BTG4: variants seen among roughly 807,000 people sequenced by gnomAD.
The protein encoded by BTG4 is protein BTG4.
Under a neutral mutation model 19.3 loss-of-function variants are expected in BTG4, and 10 were observed. The ratio of observed to expected loss-of-function variants is 0.52; its 90% CI spans 0.32 to 0.88. BTG4 has a LOEUF of 0.88. Among genes scored for constraint, BTG4 ranks in the 40% least tolerant of loss-of-function variants. The probability of loss-of-function intolerance (pLI) is 0.04; values close to 1 mark genes in which losing one functional copy is unlikely to be tolerated. For missense variants in BTG4, 238 were observed against 281.9 expected, an observed-to-expected ratio of 0.84 and a Z score of 1.11; for synonymous variants, 91 against 95.7, an observed-to-expected ratio of 0.95 and a Z score of 0.29.
chr11:111,425,865 C>T, the BTG4 span, among the ~76,000 whole-genome samples: 5 of 152,040 alleles, frequency 3.3e-5, no homozygotes, highest in Non-Finnish European at 5.9e-5. Flanking sequence ...CACCCCATCT[C>T]TACAAAAAAT....
downstream of BTG4, among the ~76,000 whole-genome samples, chr11:111,493,557 AC>A (rs1555114775): frequency 6.6e-6 from 1 of 152,142 alleles, no homozygotes; most frequent in Non-Finnish European, 1.5e-5. Flanking sequence ...ACCAGAATTC[AC>A]CCACACACGT....
chr11:111,485,721 A>C (rs535603277), intron 5 of BTG4, among the ~76,000 whole-genome samples: 1 of 152,276 alleles, frequency 6.6e-6, no homozygotes, highest in East Asian at 1.9e-4. Flanking sequence ...AAACTCAAAA[A>C]CCAGTAGAAG....
the BTG4 span, among the ~76,000 whole-genome samples, chr11:111,387,721 A>G: frequency 6.6e-6 from 1 of 152,338 alleles, no homozygotes; most frequent in African/African-American, 2.4e-5. Context: ...ATGGCCTGAG[A>G]CTGCCATAAA....
the BTG4 span, among the ~76,000 whole-genome samples, chr11:111,408,579 A>C: frequency 6.6e-6 from 1 of 152,342 alleles, no homozygotes; most frequent in South Asian, 2.1e-4. Flanking sequence ...GCTGGAGCAA[A>C]GTAGTCAAAA....
downstream of BTG4, among the ~76,000 whole-genome samples, chr11:111,491,300 T>C (rs59468926): frequency 0.026 from 4,015 of 152,308 alleles, 193 homozygotes; most frequent in African/African-American, 0.09. Context: ...GTTCTGTATC[T>C]TGACTGTAGC....
At chr11:111,456,552 G>A in the BTG4 span, 1 of 456,458 alleles carries the variant, frequency 2.2e-6, no homozygotes, top group Non-Finnish European at 4.4e-6. The surrounding 1 kb of genome is among the most constrained non-coding windows in gnomAD (Gnocchi z 4.2). Context: ...ACATCAGTGT[G>A]AACCCCGTCA....
intron 1 of BTG4, among the ~76,000 whole-genome samples, chr11:111,511,328 C>T (rs1378273165): frequency 6.6e-6 from 1 of 152,212 alleles, no homozygotes; most frequent in Non-Finnish European, 1.5e-5. Context: ...AATGCTATAA[C>T]TTATTCAAAC....
At chr11:111,448,204 G>A in the BTG4 span, among the ~76,000 whole-genome samples, 10 of 152,312 alleles carry the variant, frequency 6.6e-5, no homozygotes, top group African/African-American at 2.2e-4. Context: ...AAAGAAGAGC[G>A]AGACCCACCA....
At chr11:111,479,898 A>T (rs557984371) in intron 5 of BTG4, among the ~76,000 whole-genome samples, 1 of 152,130 alleles carries the variant, frequency 6.6e-6, no homozygotes, top group Non-Finnish European at 1.5e-5. Flanking sequence ...AATTCTAAAA[A>T]GTGTTCAAGT....
At chr11:111,454,470 G>T in the BTG4 span, 2 of 366,170 alleles carry the variant, frequency 5.5e-6, no homozygotes, top group Non-Finnish European at 1.1e-5. Flanking sequence ...CAAAGAATAT[G>T]GAACATAGAG....
chr11:111,486,474 T>C (rs1268794185), intron 5 of BTG4, among the ~76,000 whole-genome samples: 2 of 152,066 alleles, frequency 1.3e-5, no homozygotes, highest in Admixed American at 1.3e-4. Context: ...ATACTATTCA[T>C]ACTATTCTAA....
downstream of BTG4, among the ~76,000 whole-genome samples, chr11:111,493,829 A>T (rs577229535): frequency 6.6e-6 from 1 of 152,172 alleles, no homozygotes; most frequent in Non-Finnish European, 1.5e-5. Context: ...GAAAAAAAAG[A>T]AAAAATGATT....
chr11:111,403,940 T>C, the BTG4 span, among the ~76,000 whole-genome samples: 2 of 152,220 alleles, frequency 1.3e-5, no homozygotes, highest in African/African-American at 2.4e-5. Flanking sequence ...CTGTATTGAT[T>C]ATTTCAGCTT....
chr11:111,480,545 T>G (rs1864676495), intron 5 of BTG4, among the ~76,000 whole-genome samples: 1 of 151,970 alleles, frequency 6.6e-6, no homozygotes, highest in Non-Finnish European at 1.5e-5. Context: ...GCATCAAAAA[T>G]CATATCCTGG....
rs770055122 is a variant in BTG4, at chr11:111,498,800, G to C, written c.-24C>G. ...ATGATTCAAGAAAAATAGATAAGGA[G>C]GTCTGAATCATTAAAAGGAAGCAAG... On this transcript the variant is annotated splice_region_variant and 5_prime_UTR_variant, in exon 2 of 5. Transcript: ENST00000692032. The C allele has an allele frequency of 6.4e-6, 10 of 1,563,384 alleles. No individual in the cohort carries two copies. Among genetic ancestry groups the C allele is most frequent in the South Asian group, 4.8e-5 (4 of 84,016 alleles).
chr11:111,487,685 G>A (rs1038043316), intron 5 of BTG4, among the ~76,000 whole-genome samples: 3 of 152,026 alleles, frequency 2.0e-5, no homozygotes, highest in African/African-American at 4.8e-5. Context: ...CCTTGCAGAC[G>A]ATATAGTCTT....
chr11:111,405,778 T>G, the BTG4 span, among the ~76,000 whole-genome samples: 1 of 152,246 alleles, frequency 6.6e-6, no homozygotes, highest in Non-Finnish European at 1.5e-5. Context: ...ACTTGCTAGC[T>G]GTGTGACTTT....
chr11:111,498,486 T>A, intron 2 of BTG4, 118 bp downstream of exon 2: 2 of 871,754 alleles, frequency 2.3e-6, no homozygotes, highest in Non-Finnish European at 3.6e-6. Flanking sequence ...ACAAATAAAC[T>A]CGAGCCCATA....
the BTG4 span, among the ~76,000 whole-genome samples, chr11:111,437,841 T>C: frequency 6.6e-6 from 1 of 152,212 alleles, no homozygotes; most frequent in African/African-American, 2.4e-5. Context: ...TCCTGGGTTT[T>C]CTTTTCAGCC....
Sources: gnomAD v4.1 joint callset for allele counts (sites outside exome capture counted in the v4.1 genomes callset) on GRCh38, gnomAD v4.1.1 for gene constraint, Gnocchi (gnomAD v3.1) non-coding constraint, MANE v1.5 for transcripts, NCBI Gene and HGNC (gene_info 2026-07-23, HGNC 2026-07-21) for gene names.